The following TBC1D14 variants were observed in gnomAD, a reference collection of about 807,000 sequenced individuals.
The protein encoded by TBC1D14 is TBC1 domain family member 14.
TBC1D14 carries 26 observed loss-of-function variants against 79.0 expected under a neutral mutation model. The ratio of observed to expected loss-of-function variants is 0.33; its 90% CI spans 0.24 to 0.46. The LOEUF is 0.46. TBC1D14 is among the 20% of genes least tolerant of loss of function. The pLI is 1.00. For missense variants in TBC1D14, 769 were observed against 887.6 expected, an observed-to-expected ratio of 0.87 and a Z score of 1.70; for synonymous variants, 394 against 349.9, an observed-to-expected ratio of 1.13 and a Z score of -1.40.
intron 2 of TBC1D14, among the ~76,000 whole-genome samples, chr4:6,964,574 A>G (rs963334267): frequency 6.6e-6 from 1 of 152,154 alleles, no homozygotes; most frequent in Non-Finnish European, 1.5e-5. Flanking sequence ...GAAATCTTAG[A>G]TGTTAAACGG....
intron 3 of TBC1D14, among the ~76,000 whole-genome samples, chr4:6,971,293 T>G (rs143189901): frequency 6.5e-4 from 99 of 152,394 alleles, no homozygotes; most frequent in African/African-American, 2.2e-3. Context: ...GGTGTATTTT[T>G]GCCCAGGGTT....
chr4:6,951,978 G>C (rs973765034), intron 2 of TBC1D14, among the ~76,000 whole-genome samples: 1 of 152,140 alleles, frequency 6.6e-6, no homozygotes, highest in East Asian at 1.9e-4. Flanking sequence ...GCGATGAGGC[G>C]GCAGGGCTGG....
At chr4:6,988,720 T>C (rs1165540842) in intron 3 of TBC1D14, among the ~76,000 whole-genome samples, 4 of 152,294 alleles carry the variant, frequency 2.6e-5, no homozygotes, top group African/African-American at 9.6e-5. Context: ...GTAAAATAGA[T>C]TTCCAGGGAG....
intron 2 of TBC1D14, among the ~76,000 whole-genome samples, chr4:6,940,964 A>G (rs1313832102): frequency 6.6e-6 from 1 of 152,118 alleles, no homozygotes; most frequent in East Asian, 1.9e-4. Flanking sequence ...TAAGGGAGGC[A>G]CTGCAGGAAA....
intron 2 of TBC1D14, among the ~76,000 whole-genome samples, chr4:6,952,535 A>G (rs1056500074): frequency 6.6e-6 from 1 of 152,242 alleles, no homozygotes; most frequent in African/African-American, 2.4e-5. Context: ...TTTAAATTGC[A>G]AAAGTAATAT....
In TBC1D14 at chr4:6,909,898, C is replaced by T. The variant is rs1722826035; in HGVS notation, c.-71C>T. The T allele has an allele frequency of 6.8e-6, 1 of 148,072 alleles. No individual in the cohort carries two copies. Among genetic ancestry groups the T allele is most frequent in the South Asian group, 2.1e-4 (1 of 4,834 alleles). The allele number at this position is 148,072 out of a possible 1,614,324, so 9.2% of individuals were successfully genotyped here. Reference sequence around the variant, plus strand: ...GCGCGAGTTGCCGGTCCCGCGGGGCCTGGGCTGCGGGCCCACGGGTCCCGG... The same window carrying T: ...GCGCGAGTTGCCGGTCCCGCGGGGCTTGGGCTGCGGGCCCACGGGTCCCGG... On this transcript the variant is annotated 5_prime_UTR_variant, in exon 1 of 14. Transcript: ENST00000409757.
intron 12 of TBC1D14, among the ~76,000 whole-genome samples, chr4:7,024,594 G>C (rs552010136): frequency 3.3e-5 from 5 of 152,322 alleles, no homozygotes; most frequent in South Asian, 2.1e-4. Flanking sequence ...CTCCCAGGGC[G>C]GGGGGAACCT....
At chr4:6,919,154 T>G (rs1036087311) in intron 1 of TBC1D14, among the ~76,000 whole-genome samples, 1 of 146,730 alleles carries the variant, frequency 6.8e-6, no homozygotes, top group Non-Finnish European at 1.5e-5. Flanking sequence ...AATTTCACCT[T>G]TTTTTTTTTT....
At chr4:6,941,889 A>G (rs1712943836) in intron 2 of TBC1D14, among the ~76,000 whole-genome samples, 1 of 152,072 alleles carries the variant, frequency 6.6e-6, no homozygotes, top group Admixed American at 6.6e-5. Context: ...TTGCCAGCCC[A>G]CCTTCCTTCT....
chr4:7,018,642 G>C lies in TBC1D14; in HGVS notation c.1757+4085G>C, dbSNP rs567155864. On this transcript the variant is annotated intron_variant, in intron 12 of 13. Coordinates refer to ENST00000409757, the MANE Select transcript of TBC1D14 (RefSeq NM_020773.3). ...CGCTGCCTAACCAGTGGCTCATGAG[G>C]AGTCAGGGCTGAGGGTTCGCTGTCC... Among the ~76,000 whole-genome samples, 3 of 152,332 alleles carry C rather than the reference G, an allele frequency of 2.0e-5. No individual in the cohort carries two copies. In the South Asian group the frequency reaches 6.2e-4, roughly 32 times the overall value.
chr4:6,924,416 C>T (rs896704592), intron 2 of TBC1D14, among the ~76,000 whole-genome samples: 1 of 152,122 alleles, frequency 6.6e-6, no homozygotes, highest in Non-Finnish European at 1.5e-5. Flanking sequence ...CTCTGCGGGG[C>T]CCTGTGCACT....
chr4:6,969,929 C>T (rs78120934), intron 3 of TBC1D14, among the ~76,000 whole-genome samples: 1,980 of 152,266 alleles, frequency 0.013, 42 homozygotes, highest in African/African-American at 0.044. Context: ...GCCCTCTCAT[C>T]GCTCATCTCC....
At chr4:6,941,295 C>T (rs985690782) in intron 2 of TBC1D14, among the ~76,000 whole-genome samples, 2 of 150,250 alleles carry the variant, frequency 1.3e-5, no homozygotes, top group Non-Finnish European at 2.9e-5. Context: ...TCGCGATTCT[C>T]CTGCCTCAGC....
intron 2 of TBC1D14, among the ~76,000 whole-genome samples, chr4:6,926,367 A>T (rs1255058875): frequency 6.6e-6 from 1 of 152,112 alleles, no homozygotes; most frequent in African/African-American, 2.4e-5. Flanking sequence ...AGCTGTGTAT[A>T]TTGGATTCTC....
intron 1 of TBC1D14, among the ~76,000 whole-genome samples, chr4:6,922,129 C>T (rs1479585917): frequency 6.6e-6 from 1 of 151,986 alleles, no homozygotes; most frequent in Non-Finnish European, 1.5e-5. Flanking sequence ...CATGGCTCAC[C>T]ACAGCCTTAA....
intron 1 of TBC1D14, among the ~76,000 whole-genome samples, chr4:6,919,392 C>G (rs530164776): frequency 6.6e-6 from 1 of 152,096 alleles, no homozygotes; most frequent in East Asian, 1.9e-4. Context: ...GTGATCCGCC[C>G]GTCTCGGCCT....
rs371693306 is a variant in TBC1D14 at position 6,919,971 on chromosome 4, G to A, written c.-17-3402G>A. On this transcript the variant is annotated intron_variant, in intron 1 of 13. Coordinates refer to ENST00000409757, the MANE Select transcript of TBC1D14 (RefSeq NM_020773.3). ...GCTGTGTTGCCCAGGCTGGAGTGCC[G>A]TGGCGCTGTCACAGCTTACTACTGT... is the stretch of plus-strand genomic sequence containing the variant. 3.2e-4 allele frequency among the ~76,000 whole-genome samples: 49 copies of A among 152,064 alleles called. 2 individuals carry two copies. The Middle Eastern group carries it at 0.01, about 32-fold the overall frequency.
rs1318057734 is a variant in TBC1D14 at position 6,953,457 on chromosome 4, T to C, written c.723-13847T>C. ...TAACACGGTGAAACCCCGTCTCTAC[T>C]AAAAAAAAAAAAAAATACAAAAAAT... is the stretch of plus-strand genomic sequence containing the variant. On this transcript the variant is annotated intron_variant, in intron 2 of 13. Coordinates refer to ENST00000409757, the MANE Select transcript of TBC1D14 (RefSeq NM_020773.3). 2.6e-5 allele frequency among the ~76,000 whole-genome samples: 3 copies of C among 114,126 alleles called. No individual in the cohort carries two copies. In the Admixed American group the frequency reaches 2.6e-4, roughly 10 times the overall value. The allele number at this position is 114,126 out of a possible 152,430, so 74.9% of individuals were successfully genotyped here. A position where few individuals can be genotyped will look rare whatever the true frequency, so the allele number is the denominator to read the frequency against.
intron 2 of TBC1D14, among the ~76,000 whole-genome samples, chr4:6,945,471 G>C (rs769868827): frequency 7.2e-5 from 11 of 152,204 alleles, no homozygotes; most frequent in Non-Finnish European, 1.5e-4. Context: ...AAGCATAGCT[G>C]GTCGTGGTGG....
Sources: allele counts gnomAD v4.1 joint callset (sites outside exome capture counted in the v4.1 genomes callset), GRCh38; gene constraint gnomAD v4.1.1; transcripts MANE v1.5; gene names NCBI Gene and HGNC (gene_info 2026-07-23, HGNC 2026-07-21).